HS6ST3: variants seen among roughly 807,000 people sequenced by gnomAD.
HS6ST3 encodes the protein heparan sulfate 6-O-sulfotransferase 3.
A neutral mutation model predicts 36.7 loss-of-function variants in HS6ST3; 12 were observed. The observed-to-expected ratio is 0.33, with a 90% CI of 0.21 to 0.53. The LOEUF (loss-of-function observed/expected upper bound fraction) is 0.53, where lower values mean the gene tolerates loss of function less well. Among genes scored for constraint, HS6ST3 ranks in the 20% least tolerant of loss-of-function variants. HS6ST3 has a pLI of 0.95. For missense variants in HS6ST3, 584 were observed against 640.9 expected, an observed-to-expected ratio of 0.91 and a Z score of 0.96; for synonymous variants, 240 against 257.5, an observed-to-expected ratio of 0.93 and a Z score of 0.65.
Position 96,583,204 on chromosome 13 carries a change from C to CTTTTTTTTTTTTTTTTTTTTTTTTTT in HS6ST3, c.708-249284_708-249259dup, listed in dbSNP as rs71292889. ...AATGGCTTCAATTTCTTTTTCTTTT[C>CTTTTTTTTTTTTTTTTTTTTTTTTTT]TTTTTTTTTTTTTTTTTTTTTTTTT... On this transcript the variant is annotated intron_variant, in intron 1 of 1. Coordinates refer to ENST00000376705, the MANE Select transcript of HS6ST3 (RefSeq NM_153456.4). 7.6e-5 allele frequency among the ~76,000 whole-genome samples: 4 copies of CTTTTTTTTTTTTTTTTTTTTTTTTTT among 52,922 alleles called. 2 individuals are homozygous for CTTTTTTTTTTTTTTTTTTTTTTTTTT. Among genetic ancestry groups the CTTTTTTTTTTTTTTTTTTTTTTTTTT allele is most frequent in the African/African-American group, 3.2e-4 (4 of 12,420 alleles). 34.7% of individuals were successfully genotyped at this position (52,922 alleles called of 152,430 possible).
Position 96,832,793 on chromosome 13 carries a change from G to A in HS6ST3, c.1011G>A (p.Leu337=), listed in dbSNP as rs1010248410. The change falls in exon 2 of 2, where the codon CTG becomes CTA. Residue 337 remains leucine, a synonymous_variant. Coordinates refer to ENST00000376705, the MANE Select transcript of HS6ST3 (RefSeq NM_153456.4). ...ACGAGAGTGAAAGAAACACCATCCT[G>A]TTGCAGAGTGCAAAGAACAACCTGA... ...FMNESERNTI[L]LQSAKNNLKN... is the part of the protein sequence containing the mutation. The A allele has an allele frequency of 1.9e-6, 3 of 1,614,216 alleles. No homozygotes were observed. The highest frequency in any genetic ancestry group is 2.5e-6 in the Non-Finnish European group (3 of 1,180,034).
In HS6ST3 at chr13:96,342,768, C is replaced by T. The variant is rs1027515082; in HGVS notation, c.707+251199C>T. The stretch of plus-strand genomic sequence containing the variant: ...TTTCACCCTGTCTAGAGGGAAGCCA[C>T]GCTGTGTCAAGTGCAGATCATTTAT... On this transcript the variant is annotated intron_variant, in intron 1 of 1. Coordinates refer to ENST00000376705, the MANE Select transcript of HS6ST3 (RefSeq NM_153456.4). Among the ~76,000 whole-genome samples, 54 of 152,178 alleles carry T rather than the reference C, an allele frequency of 3.5e-4. 1 individual carries two copies. Among genetic ancestry groups the T allele is most frequent in the African/African-American group, 1.7e-4 (7 of 41,446 alleles).
intron 1 of HS6ST3, among the ~76,000 whole-genome samples, chr13:96,775,444 G>GT (rs145673380): frequency 0.081 from 12,255 of 151,394 alleles, 1,547 homozygotes; most frequent in African/African-American, 0.27. Flanking sequence ...TGCATCTCAC[G>GT]TGCAAAGACA....
intron 1 of HS6ST3, among the ~76,000 whole-genome samples, chr13:96,396,974 G>A (rs1182175125): frequency 6.6e-6 from 1 of 152,100 alleles, no homozygotes; most frequent in East Asian, 1.9e-4. Context: ...AGGCCGAGGT[G>A]GGCAGAGTCA....
intron 1 of HS6ST3, among the ~76,000 whole-genome samples, chr13:96,756,333 T>A (rs756123546): frequency 2.6e-5 from 4 of 152,220 alleles, no homozygotes; most frequent in Non-Finnish European, 5.9e-5. Flanking sequence ...TTCTTAAGGC[T>A]TCATTTTGGT....
At chr13:96,670,469 A>G (rs1012068593) in intron 1 of HS6ST3, among the ~76,000 whole-genome samples, 1 of 152,082 alleles carries the variant, frequency 6.6e-6, no homozygotes, top group Non-Finnish European at 1.5e-5. Flanking sequence ...AAGGCATGAG[A>G]TCTTATAGCA....
At chr13:96,326,697 A>G (rs913997409) in intron 1 of HS6ST3, among the ~76,000 whole-genome samples, 3 of 152,110 alleles carry the variant, frequency 2.0e-5, no homozygotes, top group Admixed American at 2.0e-4. Context: ...TTTACCCAGT[A>G]ATGGGATGGC....
At chr13:96,103,965 T>G (rs935578821) in intron 1 of HS6ST3, among the ~76,000 whole-genome samples, 9 of 151,904 alleles carry the variant, frequency 5.9e-5, no homozygotes, top group African/African-American at 1.4e-4. Context: ...TTTTTTTTTT[T>G]TTTTTTTCCC....
intron 1 of HS6ST3, among the ~76,000 whole-genome samples, chr13:96,540,566 T>G (rs561526124): frequency 1.1e-3 from 171 of 152,290 alleles, no homozygotes; most frequent in Non-Finnish European, 2.0e-3. Flanking sequence ...GGAGCCTTTA[T>G]CAGCCTTGTT....
intron 1 of HS6ST3, among the ~76,000 whole-genome samples, chr13:96,675,093 C>G (rs1399169867): frequency 6.6e-6 from 1 of 152,062 alleles, no homozygotes; most frequent in Non-Finnish European, 1.5e-5. Flanking sequence ...AGTCCAGTCT[C>G]CACTCCTGAT....
rs558017473 is a variant in HS6ST3, at chr13:96,387,230, TTA to T, written c.707+295663_707+295664del. 7.2e-5 allele frequency among the ~76,000 whole-genome samples: 11 copies of T among 152,356 alleles called. No individual in the cohort carries two copies. The East Asian group carries it at 1.5e-3, about 21-fold the overall frequency. On this transcript the variant is annotated intron_variant, in intron 1 of 1. Transcript: ENST00000376705. ...AAATCATCCTTTTATATCATCCTTA[TTA>T]TGTTTGTCTAAGACCATAATGGGTT...
At chr13:96,789,409 T>C (rs1385586041) in intron 1 of HS6ST3, among the ~76,000 whole-genome samples, 4 of 151,832 alleles carry the variant, frequency 2.6e-5, no homozygotes, top group African/African-American at 9.7e-5. Flanking sequence ...ATCATTGAAA[T>C]GGATATTAGA....
At chr13:96,108,687 T>C (rs947490825) in intron 1 of HS6ST3, among the ~76,000 whole-genome samples, 39 of 152,140 alleles carry the variant, frequency 2.6e-4, no homozygotes, top group Admixed American at 2.3e-3. Flanking sequence ...AAAGAACCCA[T>C]GTTAAAATAT....
chr13:96,592,115 A>AT (rs370456448), intron 1 of HS6ST3, among the ~76,000 whole-genome samples: 1 of 151,858 alleles, frequency 6.6e-6, no homozygotes, highest in East Asian at 1.9e-4. Context: ...TTTGTTGAGA[A>AT]TTTTTTGCAT....
chr13:96,604,429 C>G (rs1427335809), intron 1 of HS6ST3, among the ~76,000 whole-genome samples: 1 of 152,136 alleles, frequency 6.6e-6, no homozygotes, highest in Non-Finnish European at 1.5e-5. Flanking sequence ...AAAAGAATTT[C>G]AGTTCTTTGA....
intron 1 of HS6ST3, among the ~76,000 whole-genome samples, chr13:96,112,583 ATATATATATAT>A (rs1566884892): frequency 0.015 from 625 of 41,960 alleles, 24 homozygotes; most frequent in African/African-American, 0.042. Context: ...AAATAAATAT[ATATATATATAT>A]ATATATATAT....
intron 1 of HS6ST3, among the ~76,000 whole-genome samples, chr13:96,491,650 G>T (rs1019639349): frequency 3.3e-5 from 5 of 152,040 alleles, no homozygotes; most frequent in African/African-American, 4.8e-5. Flanking sequence ...AGACATATGG[G>T]ACCCACCAGG....
rs766705111 is a variant in HS6ST3 at position 96,599,301 on chromosome 13, C to T, written c.708-233189C>T. ...TCTTGTTGGGAGATTTTTAAAATTA[C>T]TTATTCATTCTCACTGCTTGTTATC... On this transcript the variant is annotated intron_variant, in intron 1 of 1. Coordinates refer to ENST00000376705, the MANE Select transcript of HS6ST3 (RefSeq NM_153456.4). Among the ~76,000 whole-genome samples, 13 of 151,930 alleles carry T rather than the reference C, an allele frequency of 8.6e-5. 1 individual carries two copies. The highest frequency in any genetic ancestry group is 1.9e-4 in the Non-Finnish European group (13 of 67,910).
At chr13:96,136,884 T>G (rs912049781) in intron 1 of HS6ST3, among the ~76,000 whole-genome samples, 26 of 152,088 alleles carry the variant, frequency 1.7e-4, no homozygotes, top group Non-Finnish European at 1.5e-4. Context: ...AGATACCATC[T>G]AGGTATTGAT....
Sources: allele counts gnomAD v4.1 joint callset (sites outside exome capture counted in the v4.1 genomes callset), GRCh38; gene constraint gnomAD v4.1.1; transcripts MANE v1.5; gene names NCBI Gene and HGNC (gene_info 2026-07-23, HGNC 2026-07-21).